COLQ: variants seen among roughly 807,000 people sequenced by gnomAD.
The protein encoded by COLQ is collagen like tail subunit of asymmetric acetylcholinesterase.
Under a neutral mutation model 69.0 loss-of-function variants are expected in COLQ, and 48 were observed. The observed-to-expected ratio is 0.70, with a 90% confidence interval of 0.55 to 0.88. COLQ has a LOEUF of 0.88. COLQ is among the 40% of genes least tolerant of loss of function. The probability of loss-of-function intolerance (pLI) is 0.00; values close to 1 mark genes in which losing one functional copy is unlikely to be tolerated. For synonymous variants in COLQ, 217 were observed against 211.2 expected (o/e 1.03, Z -0.24); for missense variants, 618 against 594.6 (o/e 1.04, Z -0.41).
In COLQ at chr3:15,521,583, G is replaced by C; in HGVS notation, c.43C>G (p.Leu15Val). 1 of 1,614,190 alleles carries C rather than the reference G, an allele frequency of 6.2e-7. No homozygotes were observed. The highest frequency in any genetic ancestry group is 1.1e-5 in the South Asian group (1 of 91,080). Residue 15 changes from leucine to valine, a missense_variant, in exon 1 of 17, where the codon CTT becomes GTT. By Grantham distance (32) the Leu-to-Val change is conservative. Coordinates refer to ENST00000383788, the MANE Select transcript of COLQ (RefSeq NM_005677.4). ...NPMTLGIYLQLFFLSIVSQPT... is the reference protein window; with the variant it reads ...NPMTLGIYLQVFFLSIVSQPT... ...TGAGACACGATAGAGAGGAAGAAAA[G>C]CTGAAGATAAATTCCCAAAGTCATT...
chr3:15,455,170 A>G (rs1442785545), intron 15 of COLQ, among the ~76,000 whole-genome samples: 2 of 152,168 alleles, frequency 1.3e-5, no homozygotes, highest in Non-Finnish European at 2.9e-5. Flanking sequence ...CCAGCACATC[A>G]TACCCATTTT....
At chr3:15,506,269 T>C (rs1329007970) in intron 1 of COLQ, among the ~76,000 whole-genome samples, 1 of 152,216 alleles carries the variant, frequency 6.6e-6, no homozygotes, top group Non-Finnish European at 1.5e-5. Context: ...TCTAAGGACT[T>C]TTAAAGACAA....
At chr3:15,503,003 T>C (rs747992918) in intron 1 of COLQ, among the ~76,000 whole-genome samples, 20 of 152,178 alleles carry the variant, frequency 1.3e-4, no homozygotes, top group African/African-American at 3.6e-4. Flanking sequence ...CTGGACCACA[T>C]AGCAAGTACA....
intron 1 of COLQ, among the ~76,000 whole-genome samples, chr3:15,514,044 G>A (rs1329700832): frequency 1.3e-5 from 2 of 152,134 alleles, no homozygotes; most frequent in Non-Finnish European, 1.5e-5. Flanking sequence ...TTGCTTTGAA[G>A]GTGGAGAAAG....
chr3:15,518,501 G>T (rs2063091960), intron 1 of COLQ, among the ~76,000 whole-genome samples: 1 of 152,178 alleles, frequency 6.6e-6, no homozygotes, highest in African/African-American at 2.4e-5. Flanking sequence ...GTGCTTTAGC[G>T]ATGGCATTTC....
chr3:15,480,849 T>C (rs2062471532), intron 3 of COLQ, among the ~76,000 whole-genome samples: 2 of 152,218 alleles, frequency 1.3e-5, no homozygotes, highest in Admixed American at 6.5e-5. Flanking sequence ...ACCTGTTGTT[T>C]CCTGACTTTT....
At chr3:15,505,654 G>A (rs1020472958) in intron 1 of COLQ, among the ~76,000 whole-genome samples, 4 of 152,222 alleles carry the variant, frequency 2.6e-5, no homozygotes, top group Non-Finnish European at 4.4e-5. Context: ...TAAATCAGCC[G>A]GTGCTATTAA....
chr3:15,465,236 A>AGATGGAGACTTTATATTTTTT (rs1559515571), intron 12 of COLQ, among the ~76,000 whole-genome samples: 2 of 81,702 alleles, frequency 2.4e-5, no homozygotes, highest in African/African-American at 8.6e-5. Context: ...TTATATTTTG[A>AGATGGAGACTTTATATTTTTT]TTTATTTATT....
chr3:15,461,584 A>C (rs2062115148), intron 12 of COLQ, among the ~76,000 whole-genome samples: 1 of 152,124 alleles, frequency 6.6e-6, no homozygotes, highest in Admixed American at 6.5e-5. Context: ...AGGATCAGGA[A>C]AGGGGAATCT....
At chr3:15,460,551 C>G (rs1017146881) in intron 12 of COLQ, among the ~76,000 whole-genome samples, 1 of 152,140 alleles carries the variant, frequency 6.6e-6, no homozygotes, top group Non-Finnish European at 1.5e-5. Flanking sequence ...AATAAAATGA[C>G]CCCAGGGGAG....
In COLQ at chr3:15,498,370, A is replaced by T. The variant is rs572903566; in HGVS notation, c.107-8733T>A. The T allele has an allele frequency of 7.2e-5, 59 of 819,060 alleles. No individual in the cohort carries two copies. The African/African-American group carries it at 9.9e-4, about 14-fold the overall frequency. 50.7% of individuals were successfully genotyped at this position (819,060 alleles called of 1,614,324 possible). ...TTTCACAATGAGAAACAGCCCTGTG[A>T]AAGAAAAACTTAAAAAGAAAAAAAA... On this transcript the variant is annotated intron_variant, in intron 1 of 16. Coordinates refer to ENST00000383788, the MANE Select transcript of COLQ (RefSeq NM_005677.4).
At chr3:15,468,348 TGAGAGACGGAG>T (rs2062231910) in intron 11 of COLQ, among the ~76,000 whole-genome samples, 1 of 109,508 alleles carries the variant, frequency 9.1e-6, no homozygotes, top group African/African-American at 3.7e-5. Context: ...TTTTTTTTTT[TGAGAGACGGAG>T]TCTTGCTCTG....
intron 8 of COLQ, among the ~76,000 whole-genome samples, chr3:15,474,576 A>G (rs1002048642): frequency 2.5e-5 from 3 of 118,366 alleles, no homozygotes; most frequent in Non-Finnish European, 5.4e-5. Flanking sequence ...TGGCCAGGTC[A>G]GAAGGTTGTG....
intron 1 of COLQ, among the ~76,000 whole-genome samples, chr3:15,507,672 C>G (rs746338312): frequency 9.2e-5 from 14 of 152,186 alleles, no homozygotes; most frequent in Non-Finnish European, 1.2e-4. Flanking sequence ...GCCAGCTGGT[C>G]TCAAACACTT....
At chr3:15,502,643 G>A (rs2062847596) in intron 1 of COLQ, among the ~76,000 whole-genome samples, 1 of 152,052 alleles carries the variant, frequency 6.6e-6, no homozygotes, top group African/African-American at 2.4e-5. Flanking sequence ...TGAACTTCTG[G>A]CCTCCTGTGA....
intron 1 of COLQ, chr3:15,506,478 C>G (rs2062912746): frequency 1.3e-5 from 2 of 152,272 alleles, no homozygotes; most frequent in South Asian, 4.1e-4. Flanking sequence ...ACTTAGTTTT[C>G]TATGTATACT....
chr3:15,466,511 C>A, intron 11 of COLQ, 74 bp from the exon 12 acceptor site: 1 of 1,282,968 alleles, frequency 7.8e-7, no homozygotes, highest in South Asian at 1.2e-5. Flanking sequence ...ATCACCAAAT[C>A]AGAGATCACC....
intron 1 of COLQ, among the ~76,000 whole-genome samples, chr3:15,511,541 A>T (rs1013689483): frequency 2.6e-5 from 4 of 152,122 alleles, no homozygotes; most frequent in African/African-American, 9.7e-5. Context: ...GAGTGAGGGG[A>T]CAAACCACCC....
At chr3:15,510,482 G>A (rs1174269251) in intron 1 of COLQ, among the ~76,000 whole-genome samples, 1 of 120,624 alleles carries the variant, frequency 8.3e-6, no homozygotes, top group Non-Finnish European at 1.7e-5. Flanking sequence ...GCCAAGGCAG[G>A]TGGATCGCTG....
Sources: gnomAD v4.1 joint callset for allele counts (sites outside exome capture counted in the v4.1 genomes callset) on GRCh38, gnomAD v4.1.1 for gene constraint, MANE v1.5 for transcripts, NCBI Gene and HGNC (gene_info 2026-07-23, HGNC 2026-07-21) for gene names.